Variants in QTMAN observed in about 807,000 individuals in gnomAD.
The protein encoded by QTMAN is tRNA-queuosine alpha-mannosyltransferase.
chr2:144,183,178 A>G, the QTMAN span, among the ~76,000 whole-genome samples: 2 of 151,592 alleles, frequency 1.3e-5, no homozygotes, highest in Non-Finnish European at 2.9e-5. Context: ...AACAATTTAG[A>G]GGTTGGGTTT....
the QTMAN span, among the ~76,000 whole-genome samples, chr2:144,012,690 T>C: frequency 2.6e-5 from 4 of 152,142 alleles, no homozygotes; most frequent in East Asian, 5.8e-4. Context: ...CAGAATCTCA[T>C]AAATAAATGC....
chr2:144,198,777 G>T, the QTMAN span, among the ~76,000 whole-genome samples: 1 of 152,066 alleles, frequency 6.6e-6, no homozygotes, highest in South Asian at 2.1e-4. Context: ...TCTTAATCTT[G>T]AATTTAAGAA....
At chr2:144,133,031 G>A in the QTMAN span, among the ~76,000 whole-genome samples, 1 of 138,168 alleles carries the variant, frequency 7.2e-6, no homozygotes, top group Non-Finnish European at 1.5e-5. Context: ...GGTAGTTAGA[G>A]GTAGAACGCA....
the QTMAN span, among the ~76,000 whole-genome samples, chr2:144,017,098 G>A: frequency 4.6e-5 from 7 of 151,648 alleles, no homozygotes; most frequent in South Asian, 6.3e-4. Flanking sequence ...TCTGCCTCCC[G>A]GGTTCAAGCA....
chr2:144,047,725 A>T, the QTMAN span, among the ~76,000 whole-genome samples: 1 of 152,200 alleles, frequency 6.6e-6, no homozygotes, highest in African/African-American at 2.4e-5. Flanking sequence ...ATTCTTATCT[A>T]TTCTTACCAG....
the QTMAN span, among the ~76,000 whole-genome samples, chr2:144,063,473 A>C: frequency 1.3e-5 from 2 of 152,212 alleles, no homozygotes; most frequent in Admixed American, 1.3e-4. Flanking sequence ...AACTTGACTT[A>C]TCAAGAGAAA....
At chr2:144,197,319 G>GTGTGTA in the QTMAN span, among the ~76,000 whole-genome samples, 5 of 143,620 alleles carry the variant, frequency 3.5e-5, no homozygotes, top group Admixed American at 2.8e-4. Flanking sequence ...GTGTGTGTGT[G>GTGTGTA]TATATATATA....
At chr2:144,193,459 A>ATATGT in the QTMAN span, among the ~76,000 whole-genome samples, 1 of 148,324 alleles carries the variant, frequency 6.7e-6, no homozygotes, top group Non-Finnish European at 1.5e-5. Flanking sequence ...TAATGCATAT[A>ATATGT]TATGTTATGT....
the QTMAN span, among the ~76,000 whole-genome samples, chr2:143,972,527 T>C: frequency 6.6e-6 from 1 of 152,128 alleles, no homozygotes; most frequent in African/African-American, 2.4e-5. Context: ...GGTAGAGCTG[T>C]AGTTCTTAAA....
the QTMAN span, among the ~76,000 whole-genome samples, chr2:144,054,336 A>C: frequency 6.6e-6 from 1 of 152,192 alleles, no homozygotes; most frequent in Non-Finnish European, 1.5e-5. Context: ...AAAGAGAACT[A>C]CAAACAGAAT....
At chr2:143,966,694 T>G in the QTMAN span, among the ~76,000 whole-genome samples, 2 of 152,252 alleles carry the variant, frequency 1.3e-5, no homozygotes, top group Admixed American at 6.5e-5. Flanking sequence ...ATCTATAAAC[T>G]GTAGCACTAT....
the QTMAN span, among the ~76,000 whole-genome samples, chr2:144,151,806 T>G: frequency 6.6e-6 from 1 of 152,210 alleles, no homozygotes; most frequent in African/African-American, 2.4e-5. Context: ...GTTCTAATAT[T>G]CATTAATCAT....
At chr2:144,095,277 T>C in the QTMAN span, among the ~76,000 whole-genome samples, 4 of 152,206 alleles carry the variant, frequency 2.6e-5, no homozygotes, top group Non-Finnish European at 5.9e-5. Context: ...CAGAATTTTA[T>C]TTAGTATTGC....
the QTMAN span, among the ~76,000 whole-genome samples, chr2:144,242,236 T>C: frequency 1.3e-5 from 2 of 152,096 alleles, no homozygotes; most frequent in Non-Finnish European, 2.9e-5. Flanking sequence ...GATGAACTGA[T>C]AGTAAAGAGA....
chr2:144,177,263 A>AC, the QTMAN span: 2 of 665,812 alleles, frequency 3.0e-6, no homozygotes, highest in East Asian at 5.4e-5. Flanking sequence ...AAAAAAAAAA[A>AC]AAACATTGTT....
At chr2:144,110,962 T>C in the QTMAN span, among the ~76,000 whole-genome samples, 3 of 152,180 alleles carry the variant, frequency 2.0e-5, no homozygotes, top group African/African-American at 7.2e-5. Flanking sequence ...AGGGGAACTA[T>C]TTCCTACATT....
chr2:143,961,831 A>G, the QTMAN span, among the ~76,000 whole-genome samples: 1 of 152,102 alleles, frequency 6.6e-6, no homozygotes, highest in African/African-American at 2.4e-5. Context: ...CTAGAAAAAA[A>G]TGGATTCTCA....
At chr2:144,318,545 CTCTAA>C in the QTMAN span, among the ~76,000 whole-genome samples, 2 of 152,208 alleles carry the variant, frequency 1.3e-5, no homozygotes, top group African/African-American at 2.4e-5. Context: ...AGATTCTGAT[CTCTAA>C]TCTGACTTGT....
At chr2:143,998,435 G>A in the QTMAN span, among the ~76,000 whole-genome samples, 13 of 150,880 alleles carry the variant, frequency 8.6e-5, no homozygotes, top group Admixed American at 2.0e-4. Flanking sequence ...ACGACAGAAG[G>A]GGGGGGAAAG....
Sources: gnomAD v4.1 joint callset for allele counts (sites outside exome capture counted in the v4.1 genomes callset) on GRCh38, gnomAD v4.1.1 for gene constraint, MANE v1.5 for transcripts, NCBI Gene and HGNC (gene_info 2026-07-23, HGNC 2026-07-21) for gene names.